The following PCSK5 variants were observed in gnomAD, a reference collection of about 807,000 sequenced individuals.
PCSK5 encodes the protein proprotein convertase subtilisin/kexin type 5.
A neutral mutation model predicts 233.2 loss-of-function variants in PCSK5; 129 were observed. The ratio of observed to expected loss-of-function variants is 0.55; its 90% CI spans 0.48 to 0.64. The LOEUF (loss-of-function observed/expected upper bound fraction) is 0.64. Ranked by LOEUF, PCSK5 falls within the 30% of genes least tolerant of loss-of-function variation. The pLI is 0.00. For missense variants in PCSK5, 2,076 were observed against 2,430.1 expected (o/e 0.85, Z 3.06); for synonymous variants, 825 against 879.2 (o/e 0.94, Z 1.09).
intron 3 of PCSK5, among the ~76,000 whole-genome samples, chr9:76,008,726 C>G (rs1476857058): frequency 6.6e-6 from 1 of 152,080 alleles, no homozygotes; most frequent in African/African-American, 2.4e-5. Context: ...TCCCAAAGTG[C>G]TGGGATTACA....
chr9:76,107,930 A>G (rs1832045173), intron 9 of PCSK5, among the ~76,000 whole-genome samples: 1 of 152,192 alleles, frequency 6.6e-6, no homozygotes, highest in Admixed American at 6.5e-5. Context: ...CAAATAGGTT[A>G]ATTTGCCTTA....
intron 9 of PCSK5, among the ~76,000 whole-genome samples, chr9:76,115,915 A>C (rs1832405311): frequency 6.6e-6 from 1 of 152,058 alleles, no homozygotes; most frequent in Admixed American, 6.6e-5. Flanking sequence ...CTTGCCCTAT[A>C]ATTTTTTACT....
Position 76,323,282 on chromosome 9 carries a change from T to A in PCSK5, c.4333T>A (p.Cys1445Ser). 6.3e-7 allele frequency: 1 copy of A among 1,590,874 alleles called. No individual in the cohort carries two copies. Among genetic ancestry groups the A allele is most frequent in the African/African-American group, 1.3e-5 (1 of 74,520 alleles). Residue 1445 changes from cysteine to serine, a missense_variant, in exon 32 of 38, where the codon TGC (cysteine) becomes AGC (serine). By Grantham distance (112) the Cys-to-Ser change is moderately radical (BLOSUM62 -1). Transcript: ENST00000674117. ...GTYYEKETKE[C>S]RDCHKSCLTC... is the part of the protein sequence containing the mutation. ...CTATTATGAAAAGGAGACTAAGGAG[T>A]GCAGAGGTAAAGACTTCTGGGATTC...
At chr9:76,205,794 G>A (rs943114369) in intron 20 of PCSK5, among the ~76,000 whole-genome samples, 1 of 152,146 alleles carries the variant, frequency 6.6e-6, no homozygotes, top group Non-Finnish European at 1.5e-5. Flanking sequence ...TCACTCTCCA[G>A]GTAATCGGCA....
At chr9:75,955,859 A>G (rs1825071490) in intron 2 of PCSK5, among the ~76,000 whole-genome samples, 2 of 152,182 alleles carry the variant, frequency 1.3e-5, no homozygotes, top group South Asian at 4.1e-4. Context: ...TTTACCCTCC[A>G]ACGTGCTATC....
At position 75,896,360 on chromosome 9, in the gene PCSK5, C is replaced by G. The variant is rs147928999; in HGVS notation, c.192+4987C>G. Among the ~76,000 whole-genome samples the G allele has an allele frequency of 1.2e-3, 184 of 152,320 alleles. 1 individual carries two copies. The highest frequency in any genetic ancestry group is 4.2e-3 in the African/African-American group (176 of 41,572). On this transcript the variant is annotated intron_variant, in intron 1 of 37. Transcript: ENST00000674117. The stretch of plus-strand genomic sequence containing the variant: ...AAAGGCAGCTGACTTTGCCTTATCA[C>G]TGTCTTTCATGGGCTTACATCCAGA...
chr9:76,224,708 C>T (rs1018032724), intron 20 of PCSK5, among the ~76,000 whole-genome samples: 2 of 152,100 alleles, frequency 1.3e-5, no homozygotes, highest in Non-Finnish European at 2.9e-5. Context: ...TAAGGCAGCA[C>T]ATTGTGAGTG....
At chr9:76,064,254 T>A (rs1285464001) in intron 5 of PCSK5, among the ~76,000 whole-genome samples, 1 of 77,920 alleles carries the variant, frequency 1.3e-5, no homozygotes, top group Non-Finnish European at 2.3e-5. Flanking sequence ...ATCTCCCTCC[T>A]GGACGGGGTG....
intron 24 of PCSK5, among the ~76,000 whole-genome samples, chr9:76,259,746 C>G (rs753461596): frequency 6.6e-6 from 1 of 152,194 alleles, no homozygotes; most frequent in South Asian, 2.1e-4. Flanking sequence ...TCAATGTCAG[C>G]GTCCTCACAG....
At chr9:76,292,524 C>T (rs1374637632) in intron 25 of PCSK5, among the ~76,000 whole-genome samples, 1 of 152,172 alleles carries the variant, frequency 6.6e-6, no homozygotes, top group Non-Finnish European at 1.5e-5. Flanking sequence ...GGAATCCTGC[C>T]ATGGGTTACC....
At chr9:76,095,288 A>G (rs7849496) in intron 7 of PCSK5, among the ~76,000 whole-genome samples, 108,112 of 152,108 alleles carry the variant, frequency 0.71, 38,680 homozygotes, top group South Asian at 0.81. Flanking sequence ...CCAACAGTGT[A>G]ATTCAGCATA....
chr9:76,175,140 T>G lies in PCSK5; in HGVS notation c.1900+11T>G, dbSNP rs1222561772. 4 of 1,613,000 alleles carry G rather than the reference T, an allele frequency of 2.5e-6. No individual in the cohort carries two copies. In the African/African-American group the frequency reaches 5.4e-5, roughly 22 times the overall value. On this transcript the variant is annotated intron_variant, in intron 14 of 37. Transcript: ENST00000674117. ...CAGAGGATTATGCAGGTGAGCTGGC[T>G]TCCAGTGGGACACAGGCTAAAAAGA...
At chr9:76,069,637 G>C (rs549410821) in intron 6 of PCSK5, among the ~76,000 whole-genome samples, 2 of 152,116 alleles carry the variant, frequency 1.3e-5, no homozygotes, top group East Asian at 3.9e-4. Flanking sequence ...ATTTCTATTA[G>C]AAAATGAACA....
chr9:76,362,201 T>G lies in PCSK5; in HGVS notation c.*3279T>G, dbSNP rs892085727. 2.6e-5 allele frequency: 4 copies of G among 152,218 alleles called. No individual in the cohort carries two copies. The highest frequency in any genetic ancestry group is 4.4e-5 in the Non-Finnish European group (3 of 68,036). 9.4% of individuals were successfully genotyped at this position (152,218 alleles called of 1,614,324 possible). A position where few individuals can be genotyped will look rare whatever the true frequency, so the allele number is the denominator to read the frequency against. On this transcript the variant is annotated 3_prime_UTR_variant, in exon 38 of 38. Coordinates refer to ENST00000674117, the MANE Select transcript of PCSK5 (RefSeq NM_001372043.1). ...ATAAATATGTGATTGGAAAACAAAG[T>G]CACCTTTTAGTTTTCTACTTGGAAA...
intron 3 of PCSK5, among the ~76,000 whole-genome samples, chr9:75,988,572 G>A (rs1186399263): frequency 1.3e-5 from 2 of 152,004 alleles, no homozygotes; most frequent in African/African-American, 2.4e-5. Flanking sequence ...GCATGCCACC[G>A]TGCTTGGCTA....
At chr9:76,313,281 A>G (rs1345064110) in intron 30 of PCSK5, among the ~76,000 whole-genome samples, 1 of 152,216 alleles carries the variant, frequency 6.6e-6, no homozygotes, top group African/African-American at 2.4e-5. Context: ...CTTTATTGAG[A>G]TATAATTCAC....
intron 5 of PCSK5, among the ~76,000 whole-genome samples, chr9:76,064,511 A>AC (rs1244536871): frequency 3.0e-5 from 4 of 131,660 alleles, no homozygotes; most frequent in Admixed American, 7.5e-5. Context: ...GGGGGGCTGA[A>AC]CCCCCCCAAC....
intron 16 of PCSK5, among the ~76,000 whole-genome samples, chr9:76,182,696 G>A (rs536541962): frequency 6.8e-4 from 104 of 152,272 alleles, no homozygotes; most frequent in African/African-American, 2.3e-3. Flanking sequence ...GTGCTCTAGT[G>A]TGGCTCTGAA....
chr9:76,091,913 C>T (rs936305090), intron 7 of PCSK5, among the ~76,000 whole-genome samples: 2 of 152,158 alleles, frequency 1.3e-5, no homozygotes, highest in Admixed American at 6.5e-5. Flanking sequence ...GACACAAGGA[C>T]GTCACCTCTG....
Sources: gnomAD v4.1 joint callset for allele counts (sites outside exome capture counted in the v4.1 genomes callset) on GRCh38, gnomAD v4.1.1 for gene constraint, MANE v1.5 for transcripts, NCBI Gene and HGNC (gene_info 2026-07-23, HGNC 2026-07-21) for gene names.